Variants in CCSER1 observed in about 807,000 individuals in gnomAD.
The protein encoded by CCSER1 is coiled-coil serine rich protein 1, also known as serine-rich coiled-coil domain-containing protein 1.
Under a neutral mutation model 82.0 loss-of-function variants are expected in CCSER1, and 41 were observed. The ratio of observed to expected loss-of-function variants is 0.50; its 90% CI spans 0.39 to 0.65. The LOEUF (loss-of-function observed/expected upper bound fraction) is 0.65, where lower values mean the gene tolerates loss of function less well. Among genes scored for constraint, CCSER1 ranks in the 30% least tolerant of loss-of-function variants. CCSER1 has a pLI of 0.00. For missense variants in CCSER1, 1,119 were observed against 1,064.2 expected, an observed-to-expected ratio of 1.05 and a Z score of -0.72; for synonymous variants, 414 against 383.9, an observed-to-expected ratio of 1.08 and a Z score of -0.92.
intron 5 of CCSER1, among the ~76,000 whole-genome samples, chr4:90,559,636 T>A (rs2153646365): frequency 6.6e-6 from 1 of 151,670 alleles, no homozygotes; most frequent in Non-Finnish European, 1.5e-5. Flanking sequence ...GCCTGGGCAA[T>A]ATGGCAAAAC....
chr4:90,326,892 C>T (rs1738321412), intron 3 of CCSER1, among the ~76,000 whole-genome samples: 1 of 152,096 alleles, frequency 6.6e-6, no homozygotes, highest in Non-Finnish European at 1.5e-5. Flanking sequence ...CAATATGAAG[C>T]ATCTCCATTT....
At chr4:90,281,192 G>A (rs564107605) in intron 1 of CCSER1, among the ~76,000 whole-genome samples, 9 of 151,982 alleles carry the variant, frequency 5.9e-5, no homozygotes, top group Admixed American at 1.3e-4. Flanking sequence ...ACTAATGCAA[G>A]AATAGAAAAC....
chr4:91,304,637 C>T (rs1744909084), intron 10 of CCSER1, among the ~76,000 whole-genome samples: 1 of 152,074 alleles, frequency 6.6e-6, no homozygotes, highest in South Asian at 2.1e-4. Context: ...TTAATTAGAT[C>T]GCAGAGTTCA....
intron 10 of CCSER1, among the ~76,000 whole-genome samples, chr4:91,597,275 A>C (rs1406800470): frequency 6.6e-6 from 1 of 152,090 alleles, no homozygotes; most frequent in Non-Finnish European, 1.5e-5. Context: ...AATATATGAG[A>C]GCAATAGCAG....
chr4:90,958,652 A>G (rs913611379), intron 9 of CCSER1, among the ~76,000 whole-genome samples: 3 of 152,138 alleles, frequency 2.0e-5, no homozygotes, highest in African/African-American at 7.2e-5. Context: ...AGGATCAGAT[A>G]AGCTCATGAG....
intron 8 of CCSER1, among the ~76,000 whole-genome samples, chr4:90,894,306 T>C (rs1175727121): frequency 6.6e-6 from 1 of 152,068 alleles, no homozygotes; most frequent in Non-Finnish European, 1.5e-5. Flanking sequence ...CAAACCACCC[T>C]ATCACATTTT....
chr4:90,859,679 G>A (rs1032166713), intron 8 of CCSER1, among the ~76,000 whole-genome samples: 3 of 151,698 alleles, frequency 2.0e-5, no homozygotes, highest in African/African-American at 7.2e-5. Context: ...ATTTTGTGGT[G>A]CAAGTATTAC....
chr4:90,865,863 T>C (rs951024923), intron 8 of CCSER1, among the ~76,000 whole-genome samples: 2 of 151,738 alleles, frequency 1.3e-5, no homozygotes, highest in South Asian at 2.1e-4. Context: ...AGAAAAGAGG[T>C]TTAATTGGCT....
chr4:90,928,873 A>G (rs1729385353), intron 9 of CCSER1, among the ~76,000 whole-genome samples: 1 of 152,102 alleles, frequency 6.6e-6, no homozygotes, highest in Non-Finnish European at 1.5e-5. Context: ...ATTCTAGATT[A>G]TAAAATCTAG....
intron 10 of CCSER1, among the ~76,000 whole-genome samples, chr4:91,171,123 A>G (rs1732703880): frequency 6.6e-6 from 1 of 152,212 alleles, no homozygotes; most frequent in Non-Finnish European, 1.5e-5. Context: ...TTGCAAAGTA[A>G]TCAGTATAAT....
At chr4:91,048,740 C>A (rs749975572) in intron 9 of CCSER1, among the ~76,000 whole-genome samples, 19 of 152,084 alleles carry the variant, frequency 1.2e-4, no homozygotes, top group Admixed American at 3.3e-4. Context: ...AATTAACTGG[C>A]AGTTCAAAAT....
At chr4:91,244,278 A>G (rs1739592948) in intron 10 of CCSER1, among the ~76,000 whole-genome samples, 1 of 152,188 alleles carries the variant, frequency 6.6e-6, no homozygotes, top group Admixed American at 6.5e-5. Context: ...TGTTAAGGTT[A>G]CAGACTCTAA....
intron 9 of CCSER1, among the ~76,000 whole-genome samples, chr4:91,039,474 T>G (rs557575374): frequency 6.6e-6 from 1 of 152,134 alleles, no homozygotes; most frequent in African/African-American, 2.4e-5. Flanking sequence ...ATGGCTATCT[T>G]TCCAATATCA....
chr4:90,497,568 GT>G (rs1457835285), intron 5 of CCSER1, among the ~76,000 whole-genome samples: 6 of 152,110 alleles, frequency 3.9e-5, no homozygotes, highest in Non-Finnish European at 7.4e-5. Flanking sequence ...TAAACTTGTT[GT>G]TTTTAACCTT....
intron 5 of CCSER1, among the ~76,000 whole-genome samples, chr4:90,588,821 A>G (rs937088200): frequency 1.3e-5 from 2 of 152,174 alleles, no homozygotes; most frequent in African/African-American, 4.8e-5. Flanking sequence ...TATGTAAGCC[A>G]TGCCTTTTAG....
At chr4:91,455,972 A>G (rs1340849631) in intron 10 of CCSER1, among the ~76,000 whole-genome samples, 1 of 152,122 alleles carries the variant, frequency 6.6e-6, no homozygotes, top group African/African-American at 2.4e-5. Flanking sequence ...TGGAAAAGTC[A>G]TCTCTGTAAT....
intron 9 of CCSER1, among the ~76,000 whole-genome samples, chr4:91,030,372 A>G (rs1327456881): frequency 6.6e-6 from 1 of 152,164 alleles, no homozygotes. Context: ...GCTATTGAGC[A>G]CTTGAAATGT....
intron 8 of CCSER1, among the ~76,000 whole-genome samples, chr4:90,867,988 A>G (rs921516697): frequency 1.3e-5 from 2 of 152,054 alleles, no homozygotes; most frequent in African/African-American, 4.8e-5. Flanking sequence ...GACTATTGTG[A>G]ACAGTGCTGC....
intron 10 of CCSER1, among the ~76,000 whole-genome samples, chr4:91,386,121 C>G (rs769070553): frequency 1.3e-5 from 2 of 150,680 alleles, no homozygotes; most frequent in Non-Finnish European, 3.0e-5. Flanking sequence ...TTTTTAAATA[C>G]CATTCCCCAG....
Sources: gnomAD v4.1 joint callset for allele counts (sites outside exome capture counted in the v4.1 genomes callset) on GRCh38, gnomAD v4.1.1 for gene constraint, MANE v1.5 for transcripts, NCBI Gene and HGNC (gene_info 2026-07-23, HGNC 2026-07-21) for gene names.